KRT20: variants seen among roughly 807,000 people sequenced by gnomAD.
The protein encoded by KRT20 is keratin 20, also known as keratin, type I cytoskeletal 20.
A neutral mutation model predicts 43.0 loss-of-function variants in KRT20; 41 were observed. The ratio of observed to expected loss-of-function variants is 0.95; its 90% CI spans 0.74 to 1.24. The LOEUF (loss-of-function observed/expected upper bound fraction) is 1.24. Among genes scored for constraint, KRT20 ranks in the 50% most tolerant of loss-of-function variants. The pLI, the probability that KRT20 is intolerant of heterozygous loss-of-function variation, is 0.00. For missense variants in KRT20, 533 were observed against 521.2 expected, an observed-to-expected ratio of 1.02 and a Z score of -0.22; for synonymous variants, 207 against 200.6, an observed-to-expected ratio of 1.03 and a Z score of -0.27.
At chr17:40,879,968 T>C (rs771892761) in intron 4 of KRT20, 30 bp from the exon 5 acceptor site, 2 of 1,604,760 alleles carry the variant, frequency 1.2e-6, no homozygotes, top group Non-Finnish European at 1.7e-6. Context: ...AAAAAAATAG[T>C]TGAGGGGTGG....
Position 40,876,297 on chromosome 17 carries a change from G to A in KRT20, c.*64C>T, listed in dbSNP as rs1745108184. 9.7e-7 allele frequency: 1 copy of A among 1,032,124 alleles called. No individual in the cohort carries two copies. The highest frequency in any genetic ancestry group is 1.7e-5 in the Admixed American group (1 of 58,750). The allele number at this position is 1,032,124 out of a possible 1,614,324, so 63.9% of individuals were successfully genotyped here. On this transcript the variant is annotated 3_prime_UTR_variant, in exon 8 of 8. Coordinates refer to ENST00000167588, the MANE Select transcript of KRT20 (RefSeq NM_019010.3). ...TCTTATGGCTGATTTCTTGCAGGGA[G>A]CAAAGATAAGATTATAGCCAAATTT...
rs1243540634 is a variant in KRT20, at chr17:40,880,203, G to A, written c.689C>T (p.Ala230Val). The A allele has an allele frequency of 6.2e-6, 10 of 1,614,056 alleles. No homozygotes were observed. The highest frequency in any genetic ancestry group is 7.6e-6 in the Non-Finnish European group (9 of 1,179,994). The change falls in exon 4 of 8, where the codon GCT becomes GTT. Residue 230 changes from alanine (A) to valine (V), a missense_variant. Physicochemically the swap from Ala to Val is moderately conservative, Grantham distance 64. Transcript: ENST00000167588. Reference sequence around the variant, plus strand: ...GATGACGCCAAGGTTCAGGCCTGGAGCAGCATCAACCTCCACATTGACAGT... The same window carrying A: ...GATGACGCCAAGGTTCAGGCCTGGAACAGCATCAACCTCCACATTGACAGT... ...GNTVNVEVDA[A>V]PGLNLGVIMN...
intron 1 of KRT20, among the ~76,000 whole-genome samples, chr17:40,883,722 CTG>C (rs1265677378): frequency 6.6e-6 from 1 of 152,222 alleles, no homozygotes; most frequent in East Asian, 1.9e-4. Context: ...TGGCCTGTGC[CTG>C]TGTATTTCAG....
rs768796832 is a variant in KRT20 at position 40,882,686 on chromosome 17, CTTTT to C, written c.391-36_391-33del. On this transcript the variant is annotated intron_variant, in intron 1 of 7. Coordinates refer to ENST00000167588, the MANE Select transcript of KRT20 (RefSeq NM_019010.3). ...AATACATGAGAAAGAATGACATTTT[CTTTT>C]TTATTTATTTATTTATTTATTTATT... The C allele has an allele frequency of 3.9e-5, 27 of 689,950 alleles. 1 individual carries two copies. In the African/African-American group the frequency reaches 6.0e-4, roughly 15 times the overall value. 42.7% of individuals were successfully genotyped at this position (689,950 alleles called of 1,614,324 possible).
chr17:40,879,595 C>T lies in KRT20; in HGVS notation c.918+218G>A, dbSNP rs140458313. On this transcript the variant is annotated intron_variant, in intron 5 of 7. Transcript: ENST00000167588. ...TTAAATGCCACTTTCCCTGTGAAAT[C>T]TTCCAGATTTACTCTTTCCTCTGCA... is the stretch of plus-strand genomic sequence containing the variant. Among the ~76,000 whole-genome samples the T allele has an allele frequency of 3.0e-4, 46 of 152,198 alleles. No homozygotes were observed. The East Asian group carries it at 8.9e-3, about 29-fold the overall frequency.
chr17:40,878,632 TC>T (rs1907454817), intron 5 of KRT20, among the ~76,000 whole-genome samples: 1 of 152,050 alleles, frequency 6.6e-6, no homozygotes, highest in South Asian at 2.1e-4. Flanking sequence ...AGTACTTGCT[TC>T]CCCACTGTGT....
At position 40,884,782 on chromosome 17, in the gene KRT20, G is replaced by T; in HGVS notation, c.390+14C>A. ...GCTAAACACAGAGTAGGAAACACAA[G>T]CATCATCTCTCACCTGACTTCGCAG... On this transcript the variant is annotated intron_variant, in intron 1 of 7. Transcript: ENST00000167588. The T allele has an allele frequency of 6.2e-7, 1 of 1,603,410 alleles. No homozygotes were observed. The highest frequency in any genetic ancestry group is 8.5e-7 in the Non-Finnish European group (1 of 1,173,122).
At chr17:40,882,518 G>C in intron 2 of KRT20, 54 bp downstream of exon 2, 2 of 871,028 alleles carry the variant, frequency 2.3e-6, no homozygotes, top group South Asian at 3.5e-5. Flanking sequence ...TATCTGGAAG[G>C]ACTACTAAAG....
intron 2 of KRT20, among the ~76,000 whole-genome samples, chr17:40,881,203 C>A (rs1907580492): frequency 6.6e-6 from 1 of 151,060 alleles, no homozygotes; most frequent in African/African-American, 2.4e-5. Context: ...GCTCTACATC[C>A]TCCTCTACAA....
chr17:40,884,159 T>G (rs1166116781), intron 1 of KRT20, among the ~76,000 whole-genome samples: 2 of 152,164 alleles, frequency 1.3e-5, no homozygotes, highest in Admixed American at 1.3e-4. Context: ...GAGGTTGTGA[T>G]ATGATTGTAA....
At chr17:40,877,468 A>G in intron 6 of KRT20, 51 bp from the exon 7 acceptor site, 1 of 1,228,976 alleles carries the variant, frequency 8.1e-7, no homozygotes, top group Non-Finnish European at 1.1e-6. Flanking sequence ...AAAAAGCATT[A>G]TTGCTGTTTT....
At chr17:40,878,923 T>C (rs908497930) in intron 5 of KRT20, among the ~76,000 whole-genome samples, 2 of 152,032 alleles carry the variant, frequency 1.3e-5, no homozygotes, top group South Asian at 4.1e-4. Context: ...TGCCTCAACC[T>C]CCCAAGTAGC....
intron 6 of KRT20, 119 bp from the exon 7 acceptor site, chr17:40,877,536 C>T (rs1907402322): frequency 5.3e-6 from 3 of 571,320 alleles, no homozygotes; most frequent in African/African-American, 4.0e-5. Flanking sequence ...TGTGTTATTG[C>T]TTTCATATAT....
At chr17:40,877,529 G>T in intron 6 of KRT20, 112 bp from the exon 7 acceptor site, 1 of 597,962 alleles carries the variant, frequency 1.7e-6, no homozygotes, top group Non-Finnish European at 2.8e-6. Context: ...AAGTGAATGT[G>T]TTATTGCTTT....
rs1255727415 is a variant in KRT20 at position 40,885,225 on chromosome 17, T to C, written c.-40A>G. The C allele has an allele frequency of 6.5e-7, 1 of 1,541,244 alleles. No individual in the cohort carries two copies. Among genetic ancestry groups the C allele is most frequent in the African/African-American group, 1.4e-5 (1 of 73,176 alleles). ...GGGAGCACCTGTAGCTTCAGGATGG[T>C]TGGGGCAGAGTGTGTCTCATGGAGG... is the stretch of plus-strand genomic sequence containing the variant. On this transcript the variant is annotated 5_prime_UTR_variant, in exon 1 of 8. Coordinates refer to ENST00000167588, the MANE Select transcript of KRT20 (RefSeq NM_019010.3).
chr17:40,881,085 CTTA>C (rs1907576974), intron 2 of KRT20, among the ~76,000 whole-genome samples: 1 of 152,090 alleles, frequency 6.6e-6, no homozygotes, highest in Non-Finnish European at 1.5e-5. Context: ...GCAAAGGGTT[CTTA>C]TTATTGATAT....
chr17:40,878,501 CA>C, intron 5 of KRT20, 136 bp from the exon 6 acceptor site: 1 of 673,364 alleles, frequency 1.5e-6, no homozygotes, highest in South Asian at 2.0e-5. Flanking sequence ...CTCCATCTCC[CA>C]CTCTTCCCAA....
intron 2 of KRT20, 59 bp downstream of exon 2, chr17:40,882,513 G>A: frequency 1.2e-6 from 1 of 837,816 alleles, no homozygotes. Flanking sequence ...CTGAGTATCT[G>A]GAAGGACTAC....
At position 40,878,136 on chromosome 17, in the gene KRT20, G is replaced by C. The variant is rs1907426560; in HGVS notation, c.1139+9C>G. 3.7e-6 allele frequency: 6 copies of C among 1,608,852 alleles called. No individual in the cohort carries two copies. The highest frequency in any genetic ancestry group is 5.1e-6 in the Non-Finnish European group (6 of 1,175,260). The stretch of plus-strand genomic sequence containing the variant: ...ATTGACACCTATTCCTTGATTCTAA[G>C]AGCCTTACTTTACGTCTTCTCCTTC... On this transcript the variant is annotated intron_variant, in intron 6 of 7. Coordinates refer to ENST00000167588, the MANE Select transcript of KRT20 (RefSeq NM_019010.3).
Sources: gnomAD v4.1 joint callset for allele counts (sites outside exome capture counted in the v4.1 genomes callset) on GRCh38, gnomAD v4.1.1 for gene constraint, MANE v1.5 for transcripts, NCBI Gene and HGNC (gene_info 2026-07-23, HGNC 2026-07-21) for gene names.